Variants in ARHGAP42 observed in about 807,000 individuals in gnomAD.
The protein encoded by ARHGAP42 is rho GTPase-activating protein 42.
A neutral mutation model predicts 125.0 loss-of-function variants in ARHGAP42; 63 were observed. The ratio of observed to expected loss-of-function variants is 0.50; its 90% CI spans 0.41 to 0.62. The LOEUF is 0.62. ARHGAP42 is among the 20% of genes least tolerant of loss of function. The probability of loss-of-function intolerance (pLI) is 0.00; values close to 1 mark genes in which losing one functional copy is unlikely to be tolerated. For missense variants in ARHGAP42, 766 were observed against 1,024.2 expected (o/e 0.75, Z 3.44); for synonymous variants, 339 against 351.0 (o/e 0.97, Z 0.38).
At chr11:100,750,092 C>A (rs556859443) in intron 1 of ARHGAP42, among the ~76,000 whole-genome samples, 2 of 152,276 alleles carry the variant, frequency 1.3e-5, no homozygotes, top group African/African-American at 2.4e-5. Context: ...CCAGAGACTG[C>A]CCCCCAGAGG....
intron 1 of ARHGAP42, among the ~76,000 whole-genome samples, chr11:100,708,634 C>A (rs1861514820): frequency 6.6e-6 from 1 of 152,056 alleles, no homozygotes; most frequent in Non-Finnish European, 1.5e-5. Flanking sequence ...TAAAAATATT[C>A]CAAAAGAGAA....
At chr11:100,952,376 CT>C (rs1337789971) in intron 12 of ARHGAP42, among the ~76,000 whole-genome samples, 3 of 152,078 alleles carry the variant, frequency 2.0e-5, no homozygotes, top group Non-Finnish European at 2.9e-5. Context: ...CACCTAGCAA[CT>C]TTTTTAATCT....
At chr11:100,914,252 C>G (rs1241434094) in intron 5 of ARHGAP42, among the ~76,000 whole-genome samples, 1 of 152,040 alleles carries the variant, frequency 6.6e-6, no homozygotes, top group Non-Finnish European at 1.5e-5. Context: ...GTTTTAAAAT[C>G]TCAATTATTT....
At chr11:100,687,978 C>A in intron 1 of ARHGAP42, 146 bp downstream of exon 1, 1 of 921,716 alleles carries the variant, frequency 1.1e-6, no homozygotes, top group Non-Finnish European at 1.6e-6. Context: ...TGCTGGTGGC[C>A]AACAAAGTTT....
chr11:100,754,002 C>T (rs1479381816), intron 1 of ARHGAP42, among the ~76,000 whole-genome samples: 1 of 152,216 alleles, frequency 6.6e-6, no homozygotes, highest in Non-Finnish European at 1.5e-5. Context: ...AATATTTTGT[C>T]TTTCCAAGTG....
At chr11:100,799,157 A>C (rs1003127740) in intron 3 of ARHGAP42, among the ~76,000 whole-genome samples, 1 of 152,226 alleles carries the variant, frequency 6.6e-6, no homozygotes, top group African/African-American at 2.4e-5. Flanking sequence ...GAGAAGAATG[A>C]GAGAATTAAA....
chr11:100,733,930 GTT>G (rs774845588), intron 1 of ARHGAP42, among the ~76,000 whole-genome samples: 45 of 113,338 alleles, frequency 4.0e-4, no homozygotes, highest in Admixed American at 2.0e-3. Flanking sequence ...AAGCAAAGTT[GTT>G]TTTTTTTTTT....
intron 11 of ARHGAP42, among the ~76,000 whole-genome samples, chr11:100,949,201 C>G (rs140041923): frequency 9.2e-5 from 14 of 151,968 alleles, no homozygotes; most frequent in Admixed American, 9.2e-4. Flanking sequence ...TGGCAAAGAA[C>G]CTGTACAGCA....
chr11:100,861,024 T>G (rs2135142926), intron 4 of ARHGAP42, among the ~76,000 whole-genome samples: 1 of 152,178 alleles, frequency 6.6e-6, no homozygotes, highest in South Asian at 2.1e-4. Context: ...AAAACAGACA[T>G]AGAAGTAATT....
At chr11:100,697,524 A>G (rs569119094) in intron 1 of ARHGAP42, among the ~76,000 whole-genome samples, 1 of 152,318 alleles carries the variant, frequency 6.6e-6, no homozygotes, top group South Asian at 2.1e-4. Flanking sequence ...ATGCAAATCT[A>G]AAAAGCCATA....
chr11:100,725,672 T>TCG lies in ARHGAP42; in HGVS notation c.154+37841_154+37842insGC, dbSNP rs1861844089. On this transcript the variant is annotated intron_variant, in intron 1 of 23. Transcript: ENST00000298815. ...AGCCAGGTGGCCCGGGCGCAGTGGC[T>TCG]CACGCCTGGAATCGCAGCACTTTGG... 4.0e-5 allele frequency among the ~76,000 whole-genome samples: 6 copies of TCG among 151,622 alleles called. No individual in the cohort carries two copies. The South Asian group carries it at 1.3e-3, about 32-fold the overall frequency.
chr11:100,905,339 A>G (rs1866695343), intron 4 of ARHGAP42, among the ~76,000 whole-genome samples: 1 of 152,246 alleles, frequency 6.6e-6, no homozygotes, highest in Non-Finnish European at 1.5e-5. Context: ...GGCTTAATTT[A>G]TATGCCTTCA....
At chr11:100,980,559 CTTTTTTTTTTTTTT>C (rs763302463) in intron 22 of ARHGAP42, among the ~76,000 whole-genome samples, 21 of 51,952 alleles carry the variant, frequency 4.0e-4, no homozygotes, top group African/African-American at 1.0e-3. Flanking sequence ...TTTTCTTCTT[CTTTTTTTTTTTTTT>C]TTTTTTTTTT....
rs187364385 is a variant in ARHGAP42 at position 100,819,795 on chromosome 11, A to G, written c.312+24629A>G. 4.0e-3 allele frequency among the ~76,000 whole-genome samples: 607 copies of G among 152,300 alleles called. 2 individuals carry two copies. The highest frequency in any genetic ancestry group is 0.011 in the South Asian group (54 of 4,832). On this transcript the variant is annotated intron_variant, in intron 3 of 23. Transcript: ENST00000298815. Reference sequence around the variant, plus strand: ...GGGAGCTTTCCAAATCTGTATCCAAATATAGAATAATGAAAGGGCTCAAGA... The same window carrying G: ...GGGAGCTTTCCAAATCTGTATCCAAGTATAGAATAATGAAAGGGCTCAAGA...
intron 8 of ARHGAP42, among the ~76,000 whole-genome samples, chr11:100,940,775 A>T (rs934083365): frequency 6.6e-6 from 1 of 152,086 alleles, no homozygotes; most frequent in Non-Finnish European, 1.5e-5. Context: ...TCATTCCTTT[A>T]TTCATTATTC....
chr11:100,830,858 C>T (rs182845931), intron 3 of ARHGAP42, among the ~76,000 whole-genome samples: 9 of 152,084 alleles, frequency 5.9e-5, no homozygotes, highest in African/African-American at 1.9e-4. Context: ...GTGGGCACCA[C>T]GGTTACTATT....
In ARHGAP42 at chr11:100,865,568, C is replaced by T. The variant is rs115083097; in HGVS notation, c.384+5943C>T. Among the ~76,000 whole-genome samples, 853 of 152,234 alleles carry T rather than the reference C, an allele frequency of 5.6e-3. 12 individuals carry two copies. The highest frequency in any genetic ancestry group is 0.019 in the African/African-American group (810 of 41,554). On this transcript the variant is annotated intron_variant, in intron 4 of 23. Transcript: ENST00000298815. ...CAAGGAGGTAAAAGATCTGTATATA[C>T]GTAGCTTCCTTGGAGATAGATTTTG...
At chr11:100,864,366 G>A (rs55868772) in intron 4 of ARHGAP42, among the ~76,000 whole-genome samples, 40,913 of 151,550 alleles carry the variant, frequency 0.27, 5,900 homozygotes, top group South Asian at 0.47. Flanking sequence ...TGTATTTTTC[G>A]TAGAGAAAAG....
At position 100,992,172 on chromosome 11, in the gene ARHGAP42, A is replaced by C; in HGVS notation, c.*3371A>C. 1 of 907,868 alleles carries C rather than the reference A, an allele frequency of 1.1e-6. No individual in the cohort carries two copies. Among genetic ancestry groups the C allele is most frequent in the Non-Finnish European group, 1.6e-6 (1 of 613,152 alleles). 56.2% of individuals were successfully genotyped at this position (907,868 alleles called of 1,614,324 possible). On this transcript the variant is annotated 3_prime_UTR_variant, in exon 24 of 24. Coordinates refer to ENST00000298815, the MANE Select transcript of ARHGAP42 (RefSeq NM_152432.4). ...TCAAATTGTAGTGATACCTTAAATC[A>C]TGTATTCAGGATGCCTTCTTTAGCA...
Sources: gnomAD v4.1 joint callset for allele counts (sites outside exome capture counted in the v4.1 genomes callset) on GRCh38, gnomAD v4.1.1 for gene constraint, MANE v1.5 for transcripts, NCBI Gene and HGNC (gene_info 2026-07-23, HGNC 2026-07-21) for gene names.